The following GRM7 variants were observed in gnomAD, a reference collection of about 807,000 sequenced individuals.
GRM7 encodes glutamate metabotropic receptor 7, also known as metabotropic glutamate receptor 7.
Under a neutral mutation model 84.5 loss-of-function variants are expected in GRM7, and 35 were observed. The ratio of observed to expected loss-of-function variants is 0.41; its 90% CI spans 0.32 to 0.55. GRM7 has a LOEUF of 0.55. Among genes scored for constraint, GRM7 ranks in the 20% least tolerant of loss-of-function variants. The pLI is 0.19. For synonymous variants in GRM7, 487 were observed against 455.1 expected, an observed-to-expected ratio of 1.07 and a Z score of -0.89; for missense variants, 1,003 against 1,194.6, an observed-to-expected ratio of 0.84 and a Z score of 2.36.
intron 7 of GRM7, among the ~76,000 whole-genome samples, chr3:7,523,911 G>C (rs1474743499): frequency 6.6e-6 from 1 of 152,082 alleles, no homozygotes; most frequent in Non-Finnish European, 1.5e-5. Context: ...AGTATGGGTA[G>C]TCTCTCAACA....
chr3:7,264,868 A>G (rs1255001842), intron 2 of GRM7, among the ~76,000 whole-genome samples: 17 of 84 alleles, frequency 0.2, no homozygotes, highest in Admixed American at 0.45. Context: ...AAATATCTTT[A>G]AAGCAGATGC....
At chr3:7,306,835 CT>C (rs1700210948) in intron 4 of GRM7, among the ~76,000 whole-genome samples, 183 bp downstream of exon 4, 1 of 152,168 alleles carries the variant, frequency 6.6e-6, no homozygotes, top group Admixed American at 6.5e-5. Flanking sequence ...TGAAATTCCT[CT>C]TTTGAGGAGA....
At chr3:7,333,307 A>G (rs1701281080) in intron 4 of GRM7, among the ~76,000 whole-genome samples, 1 of 152,134 alleles carries the variant, frequency 6.6e-6, no homozygotes, top group South Asian at 2.1e-4. Flanking sequence ...ATCAAATTAC[A>G]AGTCTCTTTG....
intron 8 of GRM7, among the ~76,000 whole-genome samples, chr3:7,666,624 A>T (rs555223548): frequency 1.3e-5 from 2 of 152,332 alleles, no homozygotes; most frequent in African/African-American, 4.8e-5. Flanking sequence ...TTAGAACTTA[A>T]AAATGGTAGC....
At chr3:6,924,958 A>G (rs1055207957) in intron 1 of GRM7, among the ~76,000 whole-genome samples, 1 of 152,160 alleles carries the variant, frequency 6.6e-6, no homozygotes, top group Non-Finnish European at 1.5e-5. Context: ...CTCTTGTTTC[A>G]TAATATAGGG....
intron 7 of GRM7, among the ~76,000 whole-genome samples, chr3:7,497,094 A>C (rs976124): frequency 0.6 from 89,436 of 148,768 alleles, 27,500 homozygotes; most frequent in East Asian, 0.74. Context: ...CCATCAGGTT[A>C]TTTAGAACTT....
At chr3:7,406,636 G>A (rs934461671) in intron 4 of GRM7, among the ~76,000 whole-genome samples, 7 of 152,142 alleles carry the variant, frequency 4.6e-5, no homozygotes, top group Admixed American at 3.9e-4. Flanking sequence ...AATTTTTGTT[G>A]TGATGGGGCA....
chr3:6,976,993 T>G (rs534734688), intron 1 of GRM7, among the ~76,000 whole-genome samples: 2 of 152,254 alleles, frequency 1.3e-5, no homozygotes, highest in South Asian at 2.1e-4. Context: ...GCTTGGGTTA[T>G]GATATGAAGT....
Position 6,928,738 on chromosome 3 carries a change from A to G in GRM7, c.519+66831A>G, listed in dbSNP as rs1421410287. ...ACTAAATGGCTTTTCCATGGATTGCAATCATTGAAAGGTTGTAATTGTAGC... is the reference window on the plus strand; with the variant it reads ...ACTAAATGGCTTTTCCATGGATTGCGATCATTGAAAGGTTGTAATTGTAGC... On this transcript the variant is annotated intron_variant, in intron 1 of 9. Transcript: ENST00000357716. This position sits in a 1 kb window ranked among gnomAD's most constrained non-coding sequence, Gnocchi z 4.5. Among the ~76,000 whole-genome samples the G allele has an allele frequency of 6.6e-6, 1 of 152,184 alleles. No homozygotes were observed. The highest frequency in any genetic ancestry group is 1.5e-5 in the Non-Finnish European group (1 of 68,036).
chr3:7,693,778 T>A, intron 9 of GRM7: 1 of 764,694 alleles, frequency 1.3e-6, no homozygotes, highest in Non-Finnish European at 2.2e-6. Context: ...AGAGACCTTA[T>A]CCTGTTTGCA....
chr3:7,478,616 C>T (rs930525020), intron 7 of GRM7, among the ~76,000 whole-genome samples: 2 of 152,130 alleles, frequency 1.3e-5, no homozygotes, highest in Non-Finnish European at 2.9e-5. Flanking sequence ...GTCCTGAAGC[C>T]TCCTGTCTTA....
At chr3:7,059,878 C>T (rs1305006060) in intron 1 of GRM7, among the ~76,000 whole-genome samples, 1 of 151,788 alleles carries the variant, frequency 6.6e-6, no homozygotes, top group Non-Finnish European at 1.5e-5. Flanking sequence ...ATCTTGAGCT[C>T]CTCAGCCTCC....
At chr3:7,038,562 A>G (rs1696470441) in intron 1 of GRM7, among the ~76,000 whole-genome samples, 1 of 152,184 alleles carries the variant, frequency 6.6e-6, no homozygotes, top group African/African-American at 2.4e-5. Flanking sequence ...CTCACTGGGT[A>G]ACAAGACCTT....
At chr3:7,351,339 G>GTAA (rs1553564946) in intron 4 of GRM7, among the ~76,000 whole-genome samples, 1 of 45,904 alleles carries the variant, frequency 2.2e-5, no homozygotes, top group Non-Finnish European at 3.9e-5. Flanking sequence ...TCCCACAGGC[G>GTAA]AAAAAAAAAA....
At chr3:7,458,582 C>A (rs964412088) in intron 6 of GRM7, among the ~76,000 whole-genome samples, 19 of 151,972 alleles carry the variant, frequency 1.3e-4, no homozygotes, top group Non-Finnish European at 2.6e-4. Context: ...TTTTTAAAAC[C>A]GGAACTTTAA....
chr3:7,610,043 T>C (rs1241566852), intron 8 of GRM7, among the ~76,000 whole-genome samples: 1 of 149,976 alleles, frequency 6.7e-6, no homozygotes, highest in Admixed American at 6.6e-5. Flanking sequence ...GTTTACATTT[T>C]AACTTTCTTA....
Position 7,740,423 on chromosome 3 carries a change from G to A in GRM7, c.*17G>A. 3.5e-6 allele frequency: 5 copies of A among 1,443,046 alleles called. No homozygotes were observed. Among genetic ancestry groups the A allele is most frequent in the East Asian group, 4.8e-5 (2 of 41,484 alleles). 89.4% of individuals were successfully genotyped at this position (1,443,046 alleles called of 1,614,324 possible). The stretch of plus-strand genomic sequence containing the variant: ...GTTATCTAACCTGTTCCATTCCATG[G>A]AACCATGGAGGAGGAAGACCCTCAG... On this transcript the variant is annotated 3_prime_UTR_variant, in exon 10 of 10. Transcript: ENST00000357716.
chr3:7,535,658 A>T (rs948567960), intron 7 of GRM7, among the ~76,000 whole-genome samples: 2 of 152,248 alleles, frequency 1.3e-5, no homozygotes, highest in Admixed American at 1.3e-4. Context: ...CAGGCATTGA[A>T]GAGCTGGACT....
chr3:7,646,555 C>T (rs1379131092), intron 8 of GRM7, among the ~76,000 whole-genome samples: 1 of 152,138 alleles, frequency 6.6e-6, no homozygotes, highest in South Asian at 2.1e-4. Context: ...TACTGAACTT[C>T]TTGATGGTCC....
Sources: gnomAD v4.1 joint callset for allele counts (sites outside exome capture counted in the v4.1 genomes callset) on GRCh38, gnomAD v4.1.1 for gene constraint, Gnocchi (gnomAD v3.1) non-coding constraint, MANE v1.5 for transcripts, NCBI Gene and HGNC (gene_info 2026-07-23, HGNC 2026-07-21) for gene names.